The following CELSR3 variants were observed in gnomAD, a reference collection of about 807,000 sequenced individuals.
CELSR3 encodes the protein EGF-like protein 1.
In CELSR3, 73 loss-of-function variants were observed where a neutral mutation model predicts 270.0. That is an observed-to-expected ratio of 0.27 (90% CI 0.22 to 0.33). The LOEUF (loss-of-function observed/expected upper bound fraction) is 0.33. CELSR3 is among the 10% of genes least tolerant of loss of function. The pLI, the probability that CELSR3 is intolerant of heterozygous loss-of-function variation, is 1.00. For missense variants in CELSR3, 3,614 were observed against 4,533.8 expected, an observed-to-expected ratio of 0.80 and a Z score of 5.83; for synonymous variants, 1,780 against 1,905.4, an observed-to-expected ratio of 0.93 and a Z score of 1.71.
rs1415806173 is a variant in CELSR3 at position 48,656,382 on chromosome 3, G to A, written c.4400-17C>T. On this transcript the variant is annotated splice_polypyrimidine_tract_variant and intron_variant, in intron 2 of 34. Coordinates refer to ENST00000164024, the MANE Select transcript of CELSR3 (RefSeq NM_001407.3). The stretch of plus-strand genomic sequence containing the variant: ...AGTCCTCTCCTGGGGGCCAAGCCGC[G>A]GTCAGAGGCGGTCACGCCCACGCCC... The A allele has an allele frequency of 2.1e-6, 3 of 1,397,088 alleles. No individual in the cohort carries two copies. The highest frequency in any genetic ancestry group is 3.2e-5 in the South Asian group (2 of 61,854). 86.5% of individuals were successfully genotyped at this position (1,397,088 alleles called of 1,614,324 possible).
rs1251410112 is a variant in CELSR3, at chr3:48,645,573, A to G, written c.7667T>C (p.Leu2556Pro). Residue 2556 changes from leucine (L) to proline (P), a missense_variant, in exon 24 of 35, where the codon CTG becomes CCG. This residue lies in a region of CELSR3 where 1,240 missense variants were observed against 1,351.7 expected (regional missense o/e 0.92). Coordinates refer to ENST00000164024, the MANE Select transcript of CELSR3 (RefSeq NM_001407.3). This position sits in a 1 kb window ranked among gnomAD's most constrained non-coding sequence, Gnocchi z 5.4. The stretch of plus-strand genomic sequence containing the variant: ...CAGGCTCAGCAGGATGGCTGCAGTC[A>G]GCACCAGCGCAGCCACAGACACAGC... ...VVAVSVAALVLTAAILLSLRS... is the reference protein window; with the variant it reads ...VVAVSVAALVPTAAILLSLRS... 2 of 1,612,578 alleles carry G rather than the reference A, an allele frequency of 1.2e-6. No individual in the cohort carries two copies. The highest frequency in any genetic ancestry group is 4.5e-5 in the East Asian group (2 of 44,886).
At position 48,662,422 on chromosome 3, in the gene CELSR3, C is replaced by T. The variant is rs2077075334; in HGVS notation, c.213G>A (p.Arg71=). 6.2e-7 allele frequency: 1 copy of T among 1,612,738 alleles called. No homozygotes were observed. The highest frequency in any genetic ancestry group is 1.7e-5 in the Admixed American group (1 of 59,988). Residue 71 remains arginine (R), a synonymous_variant, in exon 1 of 35, where the codon CGG becomes CGA. Transcript: ENST00000164024. The surrounding 1 kb of genome is among the most constrained non-coding windows in gnomAD (Gnocchi z 7.1). ...LALCPESSGV[R]EDGGPGLGVR... ...CCCCCAGGCCAGGCCCCCCATCCTC[C>T]CGGACCCCGGAAGACTCCGGACAAA...
At chr3:48,643,515 C>A (rs2047049268) in intron 28 of CELSR3, 39 bp downstream of exon 28, 2 of 1,541,990 alleles carry the variant, frequency 1.3e-6, no homozygotes, top group East Asian at 4.9e-5. Context: ...TACTGAAGGC[C>A]CACCTGGTTC....
rs563757026 is a variant in CELSR3, at chr3:48,646,735, G to C, written c.7295+28C>G. 4.4e-6 allele frequency: 7 copies of C among 1,589,878 alleles called. No homozygotes were observed. In the South Asian group the frequency reaches 5.7e-5, roughly 13 times the overall value. ...GGCTGCCAGGCTGAGAAGTTCGTAGGAAGCTCAGGGGTGAGGGGCCTGAGT... is the reference window on the plus strand; with the variant it reads ...GGCTGCCAGGCTGAGAAGTTCGTAGCAAGCTCAGGGGTGAGGGGCCTGAGT... On this transcript the variant is annotated intron_variant, in intron 21 of 34. Transcript: ENST00000164024. The surrounding 1 kb of genome is among the most constrained non-coding windows in gnomAD (Gnocchi z 4.8).
rs547944527 is a variant in CELSR3 at position 48,645,371 on chromosome 3, T to C, written c.7797+72A>G. On this transcript the variant is annotated intron_variant, in intron 24 of 34. Transcript: ENST00000164024. The surrounding 1 kb of genome is among the most constrained non-coding windows in gnomAD (Gnocchi z 5.4). ...CCTGAGCATCCCTGACCTCTGACCC[T>C]GAGTTTTGGCCCCAGGCCTCCTGGG... The C allele has an allele frequency of 7.5e-6, 12 of 1,593,790 alleles. No homozygotes were observed. Among genetic ancestry groups the C allele is most frequent in the African/African-American group, 5.4e-5 (4 of 74,624 alleles).
rs773182368 is a variant in CELSR3, at chr3:48,648,046, C to T, written c.6974-50G>A. Reference sequence around the variant, plus strand: ...GCCCATCATGGACCTCTTCCCCCTGCCAAGGGTTCTACTCCCTCTTACTCG... The same window carrying T: ...GCCCATCATGGACCTCTTCCCCCTGTCAAGGGTTCTACTCCCTCTTACTCG... On this transcript the variant is annotated intron_variant, in intron 19 of 34. Transcript: ENST00000164024. 1.9e-6 allele frequency: 3 copies of T among 1,600,582 alleles called. No individual in the cohort carries two copies. In the East Asian group the frequency reaches 6.7e-5, roughly 36 times the overall value.
At chr3:48,648,099 T>C in intron 19 of CELSR3, 103 bp from the exon 20 acceptor site, 2 of 1,492,208 alleles carry the variant, frequency 1.3e-6, no homozygotes, top group Non-Finnish European at 1.8e-6. Flanking sequence ...CCACAATCTG[T>C]TTTCTGTGCT....
chr3:48,658,761 G>T lies in CELSR3; in HGVS notation c.3748+126C>A. 2.6e-6 allele frequency: 3 copies of T among 1,163,352 alleles called. No homozygotes were observed. The highest frequency in any genetic ancestry group is 3.6e-6 in the Non-Finnish European group (3 of 823,722). The allele number at this position is 1,163,352 out of a possible 1,614,324, so 72.1% of individuals were successfully genotyped here. The stretch of plus-strand genomic sequence containing the variant: ...CTGTGGCAGATCTTGTAGGGTGCAG[G>T]AACCCTACCCTTAAGGGGTTCTTGG... On this transcript the variant is annotated intron_variant, in intron 1 of 34. Coordinates refer to ENST00000164024, the MANE Select transcript of CELSR3 (RefSeq NM_001407.3). This position sits in a 1 kb window ranked among gnomAD's most constrained non-coding sequence, Gnocchi z 4.7.
rs200373323 is a variant in CELSR3, at chr3:48,648,446, C to T, written c.6793G>A (p.Gly2265Ser). The T allele has an allele frequency of 1.1e-4, 167 of 1,568,002 alleles. No homozygotes were observed. The African/African-American group carries it at 1.9e-3, about 18-fold the overall frequency. ...GTCTCTGGGGCAAGCAGTGCAGAGC[C>T]GGCCCACAGCAGATTCTGGGAAGAC... ...AHFNENLLWA[G>S]SALLAPETGD... The change falls in exon 19 of 35, where the codon GGC (glycine) becomes AGC (serine). Residue 2265 changes from glycine (G) to serine (S), a missense_variant. Transcript: ENST00000164024.
rs774731563 is a variant in CELSR3 at position 48,661,836 on chromosome 3, T to C, written c.799A>G (p.Thr267Ala). 1 of 1,610,074 alleles carries C rather than the reference T, an allele frequency of 6.2e-7. No homozygotes were observed. The change falls in exon 1 of 35, where the codon ACA (threonine) becomes GCA (alanine). Residue 267 changes from threonine (T) to alanine (A), a missense_variant. Around this residue, in one of 7 missense-constraint regions of CELSR3, gnomAD observed 470 missense variants for 469.7 expected, o/e 1.00. Transcript: ENST00000164024. ...CGCTTGGGCGCCGGCTCGGGAGCTGTCCGAGACTCGCGGGGTGCTGAACCT... is the reference window on the plus strand; with the variant it reads ...CGCTTGGGCGCCGGCTCGGGAGCTGCCCGAGACTCGCGGGGTGCTGAACCT... Reference protein sequence around the residue: ...ASGSAPRESRTAPEPAPKRMR... With the variant: ...ASGSAPRESRAAPEPAPKRMR...
Position 48,645,368 on chromosome 3 carries a change from C to T in CELSR3, c.7797+75G>A, listed in dbSNP as rs775870752. The T allele has an allele frequency of 3.8e-6, 6 of 1,592,716 alleles. No individual in the cohort carries two copies. Among genetic ancestry groups the T allele is most frequent in the Middle Eastern group, 1.7e-4 (1 of 6,030 alleles). On this transcript the variant is annotated intron_variant, in intron 24 of 34. Transcript: ENST00000164024. The surrounding 1 kb of genome is among the most constrained non-coding windows in gnomAD (Gnocchi z 5.4). ...CAACCTGAGCATCCCTGACCTCTGA[C>T]CCTGAGTTTTGGCCCCAGGCCTCCT...
Position 48,655,751 on chromosome 3 carries a change from G to C in CELSR3, c.4726C>G (p.Leu1576Val). The C allele has an allele frequency of 6.2e-7, 1 of 1,613,592 alleles. No homozygotes were observed. The highest frequency in any genetic ancestry group is 8.5e-7 in the Non-Finnish European group (1 of 1,179,860). ...GGGCACCCACCCGTGGAATATGTGA[G>C]CCGCACTTGGCCAGCCACGAGTTCC... Reference protein sequence around the residue: ...ALELVAGQVRLTYSTGESNTV... With the variant: ...ALELVAGQVRVTYSTGESNTV... Residue 1576 changes from leucine (L) to valine (V), a missense_variant, in exon 4 of 35, where the codon CTC becomes GTC. Coordinates refer to ENST00000164024, the MANE Select transcript of CELSR3 (RefSeq NM_001407.3). The surrounding 1 kb of genome is among the most constrained non-coding windows in gnomAD (Gnocchi z 5.8).
In CELSR3 at chr3:48,648,472, A is replaced by G. The variant is rs1420976688; in HGVS notation, c.6778-11T>C. ...GGCCCACAGCAGATTCTGGGAAGAC[A>G]GAGATAGAATTGGGTTCAGCCAGGT... On this transcript the variant is annotated splice_polypyrimidine_tract_variant and intron_variant, in intron 18 of 34. Coordinates refer to ENST00000164024, the MANE Select transcript of CELSR3 (RefSeq NM_001407.3). The G allele has an allele frequency of 6.5e-7, 1 of 1,530,790 alleles. No homozygotes were observed. The highest frequency in any genetic ancestry group is 2.0e-5 in the Admixed American group (1 of 49,428). 94.8% of individuals were successfully genotyped at this position (1,530,790 alleles called of 1,614,324 possible).
Position 48,653,631 on chromosome 3 carries a change from C to T in CELSR3, c.5436G>A (p.Thr1812=), listed in dbSNP as rs566254227. 70 of 1,613,904 alleles carry T rather than the reference C, an allele frequency of 4.3e-5. No homozygotes were observed. The Admixed American group carries it at 9.0e-4, about 21-fold the overall frequency. ...LMQVQAGPHS[T]LLCQLDRGLL... is the part of the protein sequence containing the mutation. The stretch of plus-strand genomic sequence containing the variant: ...AGGGTGGACACACCTGGCAAAGGAG[C>T]GTGCTGTGTGGCCCAGCCTGCACTT... Residue 1812 remains threonine, a synonymous_variant, in exon 9 of 35, where the codon ACG becomes ACA. Transcript: ENST00000164024. This position sits in a 1 kb window ranked among gnomAD's most constrained non-coding sequence, Gnocchi z 6.5.
rs2077063611 is a variant in CELSR3, at chr3:48,661,179, A to AGGC, written c.1453_1455dup (p.Ala485dup). 3.1e-6 allele frequency: 5 copies of AGGC among 1,597,114 alleles called. No homozygotes were observed. The highest frequency in any genetic ancestry group is 1.1e-5 in the South Asian group (1 of 89,664). The stretch of plus-strand genomic sequence containing the variant: ...AGGCCGGAGCGTGGATCAATCTCGA[A>AGGC]GGCGGCGGCAGCTGCAGCGCGCGCA... On this transcript the variant is annotated inframe_insertion, in exon 1 of 35. Coordinates refer to ENST00000164024, the MANE Select transcript of CELSR3 (RefSeq NM_001407.3).
chr3:48,659,121 A>C lies in CELSR3; in HGVS notation c.3514T>G (p.Phe1172Val). The C allele has an allele frequency of 6.2e-7, 1 of 1,614,178 alleles. No homozygotes were observed. Among genetic ancestry groups the C allele is most frequent in the Non-Finnish European group, 8.5e-7 (1 of 1,180,028 alleles). The change falls in exon 1 of 35, where the codon TTC (phenylalanine) becomes GTC (valine). Residue 1172 changes from phenylalanine to valine, a missense_variant. Around this residue, in one of 7 missense-constraint regions of CELSR3, gnomAD observed 1,331 missense variants for 1,933.7 expected, o/e 0.69. Coordinates refer to ENST00000164024, the MANE Select transcript of CELSR3 (RefSeq NM_001407.3). The surrounding 1 kb of genome is among the most constrained non-coding windows in gnomAD (Gnocchi z 8.1). ...QNDNSPVLNN[F>V]QILFNNYVSN... is the part of the protein sequence containing the mutation. Reference sequence around the variant, plus strand: ...ACATAGTTGTTGAAGAGGATCTGGAAGTTGTTGAGCACAGGGCTGTTGTCA... The same window carrying C: ...ACATAGTTGTTGAAGAGGATCTGGACGTTGTTGAGCACAGGGCTGTTGTCA...
chr3:48,645,602 G>C lies in CELSR3; in HGVS notation c.7638C>G (p.Val2546=), dbSNP rs368130403. 6.2e-7 allele frequency: 1 copy of C among 1,612,002 alleles called. No individual in the cohort carries two copies. The highest frequency in any genetic ancestry group is 8.5e-7 in the Non-Finnish European group (1 of 1,179,492). Residue 2546 remains valine, a synonymous_variant, in exon 24 of 35, where the codon GTC becomes GTG. Transcript: ENST00000164024. This position sits in a 1 kb window ranked among gnomAD's most constrained non-coding sequence, Gnocchi z 5.4. ...CCAGCGCAGCCACAGACACAGCCAC[G>C]ACCACGTGGGTGAACACAGCCAGCA... ...LELLAVFTHV[V]VAVSVAALVL... is the part of the protein sequence containing the mutation.
At position 48,651,479 on chromosome 3, in the gene CELSR3, C is replaced by T; in HGVS notation, c.6066G>A (p.Arg2022=). The T allele has an allele frequency of 6.2e-7, 1 of 1,613,698 alleles. No individual in the cohort carries two copies. ...AGCCCCGTGGGCACTGCTGGTCCAT[C>T]CTGGGGGTGCAGAGCCAGGTAAGAT... is the stretch of plus-strand genomic sequence containing the variant. ...GGYFGHHCEH[R]MDQQCPRGWW... is the part of the protein sequence containing the mutation. Residue 2022 remains arginine, a splice_region_variant and synonymous_variant, in exon 14 of 35, where the codon AGG becomes AGA. Transcript: ENST00000164024. The surrounding 1 kb of genome is among the most constrained non-coding windows in gnomAD (Gnocchi z 7.4).
chr3:48,660,098 A>G lies in CELSR3; in HGVS notation c.2537T>C (p.Ile846Thr). Residue 846 changes from isoleucine (I) to threonine (T), a missense_variant, in exon 1 of 35, where the codon ATC becomes ACC. Coordinates refer to ENST00000164024, the MANE Select transcript of CELSR3 (RefSeq NM_001407.3). The surrounding 1 kb of genome is among the most constrained non-coding windows in gnomAD (Gnocchi z 5.5). The stretch of plus-strand genomic sequence containing the variant: ...ATGAGTGTTGGCATCTGTGATGTTG[A>G]TGTGCACATAGCAGTGATCATGAAG... ...RALHDHCYVH[I>T]NITDANTHRP... The G allele has an allele frequency of 6.2e-7, 1 of 1,614,124 alleles. No individual in the cohort carries two copies.
Sources: gnomAD v4.1 joint callset for allele counts on GRCh38, gnomAD v4.1.1 for gene constraint, gnomAD v4.1.1 regional missense constraint, Gnocchi (gnomAD v3.1) non-coding constraint, MANE v1.5 for transcripts, NCBI Gene and HGNC (gene_info 2026-07-23, HGNC 2026-07-21) for gene names.